The following ENPP2 variants were observed in gnomAD, a reference collection of about 807,000 sequenced individuals.
ENPP2 encodes the protein autotaxin.
Under a neutral mutation model 120.2 loss-of-function variants are expected in ENPP2, and 51 were observed. That is an observed-to-expected ratio of 0.42 (90% CI 0.34 to 0.54). The LOEUF (loss-of-function observed/expected upper bound fraction) is 0.54, where lower values mean the gene tolerates loss of function less well. Ranked by LOEUF, ENPP2 falls within the 20% of genes least tolerant of loss-of-function variation. The probability of loss-of-function intolerance (pLI) is 0.04; values close to 1 mark genes in which losing one functional copy is unlikely to be tolerated. For synonymous variants in ENPP2, 365 were observed against 366.4 expected (o/e 1.00, Z 0.04); for missense variants, 920 against 1,066.5 (o/e 0.86, Z 1.91).
upstream of ENPP2, chr8:119,638,885 C>A: frequency 6.9e-7 from 1 of 1,440,276 alleles, no homozygotes; most frequent in Non-Finnish European, 9.8e-7. Flanking sequence ...GCAATCCCAC[C>A]TGGGAGGTTG....
chr8:119,659,603 C>G (rs1817865645), intron 1 of ENPP2, among the ~76,000 whole-genome samples: 1 of 152,144 alleles, frequency 6.6e-6, no homozygotes, highest in Non-Finnish European at 1.5e-5. Flanking sequence ...CATTCCCATC[C>G]CTCTCAGGGA....
At position 119,649,411 on chromosome 8, in the gene ENPP2, AAAAAGAAAAG is replaced by A. The variant is rs543397920; in HGVS notation, c.22-10894_22-10885del. On this transcript the variant is annotated intron_variant, in intron 1 of 25. Transcript: ENST00000427067. ...AGCAAGACTCCATCTCAAAAAAAAAAAAAAGAAAAGAAAAGAAAAGAAAATTGCATTTATA... is the reference window on the plus strand; with the variant it reads ...AGCAAGACTCCATCTCAAAAAAAAAAAAAAGAAAAGAAAATTGCATTTATA... 6.0e-5 allele frequency among the ~76,000 whole-genome samples: 9 copies of A among 150,600 alleles called. No homozygotes were observed. The East Asian group carries it at 9.6e-4, about 16-fold the overall frequency.
intron 19 of ENPP2, chr8:119,572,261 A>G: frequency 6.5e-7 from 1 of 1,544,236 alleles, no homozygotes; most frequent in Non-Finnish European, 8.8e-7. Flanking sequence ...CTGGAAGCAG[A>G]AGTATCAAAA....
At chr8:119,651,592 A>G (rs1817629073) in intron 1 of ENPP2, among the ~76,000 whole-genome samples, 1 of 152,182 alleles carries the variant, frequency 6.6e-6, no homozygotes. Context: ...AAGAAACCTG[A>G]GTCTACTAAA....
chr8:119,670,917 G>T (rs970302278), intron 1 of ENPP2, among the ~76,000 whole-genome samples: 2 of 152,040 alleles, frequency 1.3e-5, no homozygotes, highest in African/African-American at 4.8e-5. Context: ...AATTATTCTT[G>T]AAAGAAAATA....
intron 11 of ENPP2, among the ~76,000 whole-genome samples, chr8:119,598,714 T>G (rs1212667266): frequency 6.6e-6 from 1 of 152,218 alleles, no homozygotes; most frequent in Non-Finnish European, 1.5e-5. Flanking sequence ...ACTTTTGCCA[T>G]AAAGAAAATG....
intron 1 of ENPP2, among the ~76,000 whole-genome samples, chr8:119,648,540 T>G (rs1817538512): frequency 6.6e-6 from 1 of 152,196 alleles, no homozygotes; most frequent in Admixed American, 6.5e-5. Context: ...GAGATTTAAC[T>G]CAATGAATGT....
chr8:119,586,743 T>C (rs1398885716), intron 14 of ENPP2, among the ~76,000 whole-genome samples: 3 of 152,044 alleles, frequency 2.0e-5, no homozygotes, highest in Admixed American at 2.0e-4. Flanking sequence ...GCAGAGTGGG[T>C]GGGCAGTTCT....
chr8:119,622,748 T>C (rs1815993202), intron 3 of ENPP2, among the ~76,000 whole-genome samples: 1 of 152,162 alleles, frequency 6.6e-6, no homozygotes, highest in Non-Finnish European at 1.5e-5. Context: ...AACTACTCTA[T>C]TGAGAACTTT....
chr8:119,575,907 T>C (rs566114712), intron 19 of ENPP2, among the ~76,000 whole-genome samples: 6 of 152,308 alleles, frequency 3.9e-5, no homozygotes, highest in African/African-American at 1.4e-4. Flanking sequence ...TTACTATGTA[T>C]TGATTTCTTC....
At chr8:119,579,627 T>C (rs1812589821) in intron 19 of ENPP2, among the ~76,000 whole-genome samples, 1 of 152,130 alleles carries the variant, frequency 6.6e-6, no homozygotes, top group South Asian at 2.1e-4. Flanking sequence ...TCGTTATCAT[T>C]GTACGTAAAG....
chr8:119,605,370 G>A (rs137887737), intron 9 of ENPP2, among the ~76,000 whole-genome samples: 297 of 150,980 alleles, frequency 2.0e-3, no homozygotes, highest in Non-Finnish European at 3.2e-3. Flanking sequence ...CCGGCCATAA[G>A]CATTTTAAAT....
intron 23 of ENPP2, among the ~76,000 whole-genome samples, chr8:119,563,777 A>G (rs1814163370): frequency 6.6e-6 from 1 of 152,188 alleles, no homozygotes; most frequent in East Asian, 1.9e-4. Context: ...ATAAATGTGC[A>G]ATTTACACAA....
upstream of ENPP2, chr8:119,638,864 A>G (rs1587555278): frequency 5.0e-6 from 8 of 1,587,518 alleles, no homozygotes; most frequent in East Asian, 1.1e-4. Flanking sequence ...GGTTTAGTCT[A>G]TTAACTATAA....
rs745375209 is a variant in ENPP2 at position 119,562,974 on chromosome 8, G to T, written c.2304C>A (p.Tyr768Ter). The T allele has an allele frequency of 1.2e-6, 2 of 1,614,126 alleles. No homozygotes were observed. The highest frequency in any genetic ancestry group is 1.7e-5 in the Admixed American group (1 of 60,026). Residue 768 changes from tyrosine (Y) to a stop codon, truncating the protein, a stop_gained, in exon 24 of 25, where the codon TAC (tyrosine) becomes TAA (stop). Coordinates refer to ENST00000075322, the MANE Select transcript of ENPP2 (RefSeq NM_001040092.3). LOFTEE classifies it high-confidence loss of function. ...CCAGACAGCTGGTGATGATGCTGTA[G>T]TAGTGAGTTGGAACAGGAATGGAAC... ...EGSSIPVPTH[Y>*]YSIITSCLDF...
In ENPP2 at chr8:119,617,575, A is replaced by G; in HGVS notation, c.480-12T>C. On this transcript the variant is annotated splice_polypyrimidine_tract_variant and intron_variant, in intron 5 of 24. Coordinates refer to ENST00000075322, the MANE Select transcript of ENPP2 (RefSeq NM_001040092.3). The stretch of plus-strand genomic sequence containing the variant: ...GAGGGCGAACAAACCTTAAACAGTA[A>G]CACATTAAGCTTTTAGAAACATTAT... The G allele has an allele frequency of 6.4e-7, 1 of 1,574,136 alleles. No homozygotes were observed. The highest frequency in any genetic ancestry group is 8.7e-7 in the Non-Finnish European group (1 of 1,144,350).
At chr8:119,646,540 T>A (rs997771505) in intron 1 of ENPP2, among the ~76,000 whole-genome samples, 1 of 152,094 alleles carries the variant, frequency 6.6e-6, no homozygotes, top group Non-Finnish European at 1.5e-5. Flanking sequence ...GGACCCTAGA[T>A]CCAAAACTAA....
chr8:119,570,278 GAAAA>G (rs575977847), intron 20 of ENPP2, among the ~76,000 whole-genome samples: 1 of 76,852 alleles, frequency 1.3e-5, no homozygotes, highest in African/African-American at 4.6e-5. Context: ...CAAAACATTA[GAAAA>G]AAAAAAAAAA....
At chr8:119,631,481 G>A (rs1022129822) in intron 2 of ENPP2, among the ~76,000 whole-genome samples, 3 of 152,078 alleles carry the variant, frequency 2.0e-5, no homozygotes, top group Admixed American at 6.5e-5. Context: ...CTTCCAAAGT[G>A]CTGGGATTAC....
Sources: allele counts gnomAD v4.1 joint callset (sites outside exome capture counted in the v4.1 genomes callset), GRCh38; gene constraint gnomAD v4.1.1; transcripts MANE v1.5; gene names NCBI Gene and HGNC (gene_info 2026-07-23, HGNC 2026-07-21).